FSD2: variants seen among roughly 807,000 people sequenced by gnomAD.
FSD2 encodes fibronectin type III and SPRY domain containing 2.
Under a neutral mutation model 80.4 loss-of-function variants are expected in FSD2, and 71 were observed. The observed-to-expected ratio is 0.88, with a 90% confidence interval of 0.73 to 1.08. FSD2 has a LOEUF of 1.08. Ranked by LOEUF, FSD2 falls within the 50% of genes least tolerant of loss-of-function variation. The pLI is 0.00. For missense variants in FSD2, 923 were observed against 913.8 expected (o/e 1.01, Z -0.13); for synonymous variants, 361 against 329.5 (o/e 1.10, Z -1.03).
intron 12 of FSD2, among the ~76,000 whole-genome samples, chr15:82,761,681 T>C (rs2049298925): frequency 6.6e-6 from 1 of 150,484 alleles, no homozygotes; most frequent in Non-Finnish European, 1.5e-5. Context: ...TTTTTTATTT[T>C]ATTATTTTTT....
intron 1 of FSD2, among the ~76,000 whole-genome samples, chr15:82,794,469 G>A (rs1676629374): frequency 6.6e-6 from 1 of 152,148 alleles, no homozygotes; most frequent in Non-Finnish European, 1.5e-5. Flanking sequence ...CTGTTGTTGA[G>A]TAGAGTGTTA....
chr15:82,791,188 T>TG (rs1462715163), intron 1 of FSD2, among the ~76,000 whole-genome samples: 3 of 144,798 alleles, frequency 2.1e-5, no homozygotes, highest in South Asian at 2.2e-4. Flanking sequence ...TTAGTAGAGA[T>TG]GGGGTTTCAC....
intron 1 of FSD2, among the ~76,000 whole-genome samples, 172 bp downstream of exon 1, chr15:82,805,794 C>A (rs181415973): frequency 8.5e-5 from 13 of 152,310 alleles, no homozygotes; most frequent in Admixed American, 8.5e-4. Flanking sequence ...AATGCGAATT[C>A]TTGCTTTAAG....
intron 9 of FSD2, 138 bp downstream of exon 9, chr15:82,768,742 A>T: frequency 1.4e-6 from 1 of 724,954 alleles, no homozygotes; most frequent in East Asian, 3.4e-5. Context: ...ACTTCTCATG[A>T]ACACTAAGCA....
intron 11 of FSD2, among the ~76,000 whole-genome samples, chr15:82,763,008 T>C (rs1422400676): frequency 6.6e-6 from 1 of 152,242 alleles, no homozygotes; most frequent in African/African-American, 2.4e-5. Flanking sequence ...AAATTTTCTC[T>C]CTACTTTCAA....
intron 1 of FSD2, among the ~76,000 whole-genome samples, chr15:82,787,855 C>A (rs894049987): frequency 4.6e-5 from 7 of 152,114 alleles, no homozygotes; most frequent in African/African-American, 1.7e-4. Context: ...TCTCGGCTGA[C>A]TGCAGCCTTT....
chr15:82,784,290 G>T (rs184958006), intron 3 of FSD2, among the ~76,000 whole-genome samples: 1 of 151,608 alleles, frequency 6.6e-6, no homozygotes, highest in Non-Finnish European at 1.5e-5. Flanking sequence ...TGCCACCCAG[G>T]TTGGAGTGCA....
chr15:82,793,468 G>A (rs1233064889), intron 1 of FSD2, among the ~76,000 whole-genome samples: 4 of 152,078 alleles, frequency 2.6e-5, no homozygotes, highest in Non-Finnish European at 4.4e-5. Context: ...TTTCTCACAC[G>A]TTCCACCAAA....
rs2049193331 is a variant in FSD2 at position 82,757,167 on chromosome 15, A to G, written c.*2181T>C. On this transcript the variant is annotated 3_prime_UTR_variant, in exon 13 of 13. Transcript: ENST00000334574. ...TTTTAAATGTCAGGCAATTCTAGACAGTTTTTTCTTGGTCAAATAAAAATT... is the reference window on the plus strand; with the variant it reads ...TTTTAAATGTCAGGCAATTCTAGACGGTTTTTTCTTGGTCAAATAAAAATT... The G allele has an allele frequency of 6.6e-6, 1 of 152,186 alleles. No homozygotes were observed. The highest frequency in any genetic ancestry group is 6.5e-5 in the Admixed American group (1 of 15,274). 9.4% of individuals were successfully genotyped at this position (152,186 alleles called of 1,614,324 possible). A position where few individuals can be genotyped will look rare whatever the true frequency, so the allele number is the denominator to read the frequency against.
chr15:82,766,598 C>G (rs762493034), intron 9 of FSD2, among the ~76,000 whole-genome samples: 1 of 151,854 alleles, frequency 6.6e-6, no homozygotes, highest in Non-Finnish European at 1.5e-5. Flanking sequence ...AAAAATTAAC[C>G]GAGTGTGGTG....
At chr15:82,768,546 C>G (rs1230876995) in intron 9 of FSD2, among the ~76,000 whole-genome samples, 2 of 152,170 alleles carry the variant, frequency 1.3e-5, no homozygotes, top group African/African-American at 2.4e-5. Context: ...CCATCTAGTT[C>G]CCAGTGCCTT....
chr15:82,798,611 T>A (rs1411176957), intron 1 of FSD2, among the ~76,000 whole-genome samples: 5 of 152,222 alleles, frequency 3.3e-5, no homozygotes, highest in Non-Finnish European at 4.4e-5. Flanking sequence ...GTTTTTTCCT[T>A]ATCCATCACT....
intron 7 of FSD2, among the ~76,000 whole-genome samples, 183 bp downstream of exon 7, chr15:82,771,890 C>T (rs1411945641): frequency 6.6e-6 from 1 of 152,210 alleles, no homozygotes; most frequent in African/African-American, 2.4e-5. Context: ...GCTGTCCTTC[C>T]CAGTCAGGCC....
chr15:82,800,056 T>C (rs186752659), intron 1 of FSD2, among the ~76,000 whole-genome samples: 2 of 152,214 alleles, frequency 1.3e-5, no homozygotes, highest in East Asian at 3.9e-4. Flanking sequence ...TCATCCCTCT[T>C]CCTCAGCCTT....
At chr15:82,789,632 A>C (rs1265989761) in intron 1 of FSD2, among the ~76,000 whole-genome samples, 1 of 152,176 alleles carries the variant, frequency 6.6e-6, no homozygotes, top group Non-Finnish European at 1.5e-5. Flanking sequence ...TGCTTCACAG[A>C]TATCCAACTA....
chr15:82,786,289 G>A (rs1245497124), intron 3 of FSD2, among the ~76,000 whole-genome samples: 1 of 152,192 alleles, frequency 6.6e-6, no homozygotes, highest in Non-Finnish European at 1.5e-5. Flanking sequence ...TTCACACCAA[G>A]AGCTTATAGT....
At chr15:82,788,225 G>A (rs1415082480) in intron 1 of FSD2, among the ~76,000 whole-genome samples, 2 of 151,938 alleles carry the variant, frequency 1.3e-5, no homozygotes, top group Admixed American at 6.6e-5. Context: ...GCCTGGCGTG[G>A]TGGCTCATGC....
Position 82,756,293 on chromosome 15 carries a change from A to G in FSD2, c.*3055T>C, listed in dbSNP as rs896173841. 1.1e-5 allele frequency: 2 copies of G among 185,620 alleles called. No individual in the cohort carries two copies. Among genetic ancestry groups the G allele is most frequent in the African/African-American group, 4.7e-5 (2 of 42,804 alleles). 11.5% of individuals were successfully genotyped at this position (185,620 alleles called of 1,614,324 possible). A position where few individuals can be genotyped will look rare whatever the true frequency, so the allele number is the denominator to read the frequency against. Reference sequence around the variant, plus strand: ...CTTGCATCAAGACCAATGTAGTCTTATTTACAGAATGCCACATCACAGTGA... The same window carrying G: ...CTTGCATCAAGACCAATGTAGTCTTGTTTACAGAATGCCACATCACAGTGA... On this transcript the variant is annotated 3_prime_UTR_variant, in exon 13 of 13. Transcript: ENST00000334574.
chr15:82,805,881 A>G (rs1189234354), intron 1 of FSD2, 85 bp downstream of exon 1: 2 of 152,236 alleles, frequency 1.3e-5, no homozygotes, highest in Admixed American at 6.5e-5. Context: ...TCCCACCTAC[A>G]GGAAAGATAT....
Sources: allele counts gnomAD v4.1 joint callset (sites outside exome capture counted in the v4.1 genomes callset), GRCh38; gene constraint gnomAD v4.1.1; transcripts MANE v1.5; gene names NCBI Gene and HGNC (gene_info 2026-07-23, HGNC 2026-07-21).